The following EFHC1 variants were observed in gnomAD, a reference collection of about 807,000 sequenced individuals.
The protein encoded by EFHC1 is EF-hand domain-containing protein 1.
In EFHC1, 53 loss-of-function variants were observed where a neutral mutation model predicts 69.9. That is an observed-to-expected ratio of 0.76 (90% CI 0.61 to 0.95). EFHC1 has a LOEUF of 0.95. EFHC1 is among the 40% of genes least tolerant of loss of function. The pLI is 0.00. For synonymous variants in EFHC1, 256 were observed against 278.4 expected (o/e 0.92, Z 0.80); for missense variants, 739 against 798.7 (o/e 0.93, Z 0.90).
chr6:52,452,972 A>G (rs1022646658), intron 4 of EFHC1, 135 bp downstream of exon 4: 1 of 1,582,320 alleles, frequency 6.3e-7, no homozygotes, highest in Non-Finnish European at 8.5e-7. Context: ...TGGACACAGT[A>G]CTGTCTTTCT....
intron 1 of EFHC1, among the ~76,000 whole-genome samples, chr6:52,420,689 T>G (rs766118286): frequency 7.9e-5 from 12 of 152,136 alleles, no homozygotes; most frequent in Non-Finnish European, 1.5e-4. Context: ...CTCCGCCTCA[T>G]CCCTCTCTAG....
rs1415738426 is a variant in EFHC1 at position 52,493,975 on chromosome 6, G to C, written c.*1634G>C. ...GCCACTTGTAACCAGCTTATTGAAA[G>C]GGCTGTGAATGTATTATGTTGATTC... On this transcript the variant is annotated 3_prime_UTR_variant, in exon 11 of 11. Coordinates refer to ENST00000371068, the MANE Select transcript of EFHC1 (RefSeq NM_018100.4). The C allele has an allele frequency of 1.3e-5, 6 of 454,084 alleles. No individual in the cohort carries two copies. The highest frequency in any genetic ancestry group is 2.6e-5 in the Non-Finnish European group (6 of 226,778). The allele number at this position is 454,084 out of a possible 1,614,324, so 28.1% of individuals were successfully genotyped here. A position where few individuals can be genotyped will look rare whatever the true frequency, so the allele number is the denominator to read the frequency against.
chr6:52,464,957 A>T lies in EFHC1; in HGVS notation c.979A>T (p.Lys327Ter). The change falls in exon 6 of 11, where the codon AAA (lysine) becomes TAA (stop). Residue 327 changes from lysine to a stop codon, truncating the protein, a stop_gained. Coordinates refer to ENST00000371068, the MANE Select transcript of EFHC1 (RefSeq NM_018100.4). LOFTEE classifies it high-confidence loss of function. ...AGAAGTGTTGGAATGGTATACTGCT[A>T]AAGACTTCATTGTTGGGAAGTCACT... Reference protein sequence around the residue: ...DQEVLEWYTAKDFIVGKSLTI... With the variant: ...DQEVLEWYTA 1 of 1,614,140 alleles carries T rather than the reference A, an allele frequency of 6.2e-7. No individual in the cohort carries two copies.
At chr6:52,422,241 G>A (rs927294270) in intron 1 of EFHC1, among the ~76,000 whole-genome samples, 53 of 152,316 alleles carry the variant, frequency 3.5e-4, no homozygotes, top group African/African-American at 1.1e-3. Context: ...CTGAATGATG[G>A]TAGAGACATT....
At chr6:52,457,257 T>A (rs2113999506) in intron 5 of EFHC1, among the ~76,000 whole-genome samples, 1 of 152,312 alleles carries the variant, frequency 6.6e-6, no homozygotes, top group South Asian at 2.1e-4. Flanking sequence ...TCTGATTATG[T>A]AATTAGTTAA....
chr6:52,458,206 A>C (rs181825505), intron 5 of EFHC1, among the ~76,000 whole-genome samples: 1 of 152,194 alleles, frequency 6.6e-6, no homozygotes, highest in Admixed American at 6.5e-5. Context: ...CATACATAAA[A>C]GTTAACCCCA....
At chr6:52,436,955 T>C (rs745547293) in intron 2 of EFHC1, among the ~76,000 whole-genome samples, 2 of 152,246 alleles carry the variant, frequency 1.3e-5, no homozygotes, top group African/African-American at 4.8e-5. Flanking sequence ...TTTATGTTTT[T>C]TAAATGTGTA....
At chr6:52,426,896 A>G (rs1167655230) in intron 2 of EFHC1, among the ~76,000 whole-genome samples, 1 of 152,194 alleles carries the variant, frequency 6.6e-6, no homozygotes, top group East Asian at 1.9e-4. Flanking sequence ...TTATGCTTAT[A>G]ACAGGTATGC....
intron 5 of EFHC1, among the ~76,000 whole-genome samples, chr6:52,463,101 C>A (rs1339814717): frequency 6.6e-6 from 1 of 151,646 alleles, no homozygotes; most frequent in East Asian, 2.0e-4. Context: ...GATCTCGGCT[C>A]ACTGCAAGCT....
chr6:52,437,837 T>C lies in EFHC1; in HGVS notation c.286-467T>C, dbSNP rs548471132. On this transcript the variant is annotated intron_variant, in intron 2 of 10. Coordinates refer to ENST00000371068, the MANE Select transcript of EFHC1 (RefSeq NM_018100.4). ...CTCCTAAGGATCCTGTCTCCAAATA[T>C]AGTCACATTGAGGGTTAGGGGTTCA... Among the ~76,000 whole-genome samples, 3 of 152,252 alleles carry C rather than the reference T, an allele frequency of 2.0e-5. No individual in the cohort carries two copies. In the East Asian group the frequency reaches 5.8e-4, roughly 29 times the overall value.
At position 52,454,274 on chromosome 6, in the gene EFHC1, G is replaced by A; in HGVS notation, c.903G>A (p.Leu301=). The change falls in exon 5 of 11, where the codon TTG becomes TTA. Residue 301 remains leucine, a synonymous_variant. Transcript: ENST00000371068. The part of the protein sequence containing the change: ...LMNRQRVPKV[L]VENAKNFPQC... Reference sequence around the variant, plus strand: ...ACCGCCAGCGTGTGCCCAAAGTTTTGGTGGAAAATGCAAGTATGTTTGATT... The same window carrying A: ...ACCGCCAGCGTGTGCCCAAAGTTTTAGTGGAAAATGCAAGTATGTTTGATT... 6.2e-7 allele frequency: 1 copy of A among 1,614,020 alleles called. No homozygotes were observed. The highest frequency in any genetic ancestry group is 8.5e-7 in the Non-Finnish European group (1 of 1,179,966).
intron 9 of EFHC1, chr6:52,481,504 A>C (rs1332222064): frequency 4.2e-5 from 6 of 143,552 alleles, no homozygotes; most frequent in African/African-American, 1.3e-4. Flanking sequence ...AGACTGCATG[A>C]TCTCTCTCTC....
chr6:52,479,652 G>A lies in EFHC1; in HGVS notation c.1505G>A (p.Arg502Gln), dbSNP rs1186433799. The change falls in exon 9 of 11, where the codon CGG becomes CAG. Residue 502 changes from arginine (R) to glutamine (Q), a missense_variant. Physicochemically the swap from Arg to Gln is conservative, Grantham distance 43. Transcript: ENST00000371068. ...IGAVIEVFGH[R>Q]FIILDTDEYV... ...ACCTTCTCTCCAGTGTTTGGTCACC[G>A]GTTCATCATCCTTGATACAGACGAG... 8.1e-6 allele frequency: 13 copies of A among 1,614,132 alleles called. No individual in the cohort carries two copies. The highest frequency in any genetic ancestry group is 1.7e-5 in the Admixed American group (1 of 60,020).
At position 52,438,629 on chromosome 6, in the gene EFHC1, C is replaced by T. The variant is rs199500891; in HGVS notation, c.573+38C>T. ...TTTTTGAAAGTTGTGGGGTCTGAGG[C>T]ATCATTCTAATTTATAGAAGGATAC... On this transcript the variant is annotated intron_variant, in intron 3 of 10. Transcript: ENST00000371068. The T allele has an allele frequency of 2.5e-6, 4 of 1,600,256 alleles. No homozygotes were observed. The East Asian group carries it at 8.9e-5, about 36-fold the overall frequency.
intron 9 of EFHC1, chr6:52,482,500 A>G (rs1765702229): frequency 6.6e-6 from 2 of 302,642 alleles, no homozygotes; most frequent in Non-Finnish European, 6.0e-6. Context: ...TAAAAACTTT[A>G]TCAAAAGTGG....
intron 1 of EFHC1, among the ~76,000 whole-genome samples, chr6:52,422,372 A>T (rs1379787342): frequency 6.6e-6 from 1 of 152,172 alleles, no homozygotes; most frequent in African/African-American, 2.4e-5. Flanking sequence ...ATTTTGTTCT[A>T]TGTCATGTTT....
chr6:52,432,875 A>T (rs939547972), intron 2 of EFHC1, among the ~76,000 whole-genome samples: 2 of 151,718 alleles, frequency 1.3e-5, no homozygotes, highest in Admixed American at 1.3e-4. Flanking sequence ...GGCTTTGTTC[A>T]TATTTTCTTA....
In EFHC1 at chr6:52,492,222, G is replaced by T. The variant is rs60636755; in HGVS notation, c.1852-48G>T. ...AAGCGCACTCTGCAGTTGAGCTGAC[G>T]GAAGCCCTGCAGATCTGTCTCACCT... On this transcript the variant is annotated intron_variant, in intron 10 of 10. Coordinates refer to ENST00000371068, the MANE Select transcript of EFHC1 (RefSeq NM_018100.4). The T allele has an allele frequency of 1.1e-3, 1,745 of 1,547,080 alleles. 15 individuals carry two copies. In the African/African-American group the frequency reaches 0.019, roughly 17 times the overall value.
chr6:52,432,119 C>T (rs1764428703), intron 2 of EFHC1, among the ~76,000 whole-genome samples: 1 of 152,060 alleles, frequency 6.6e-6, no homozygotes, highest in Admixed American at 6.6e-5. Context: ...TTGAAGGCAG[C>T]AGATGGTTGG....
Sources: allele counts gnomAD v4.1 joint callset (sites outside exome capture counted in the v4.1 genomes callset), GRCh38; gene constraint gnomAD v4.1.1; transcripts MANE v1.5; gene names NCBI Gene and HGNC (gene_info 2026-07-23, HGNC 2026-07-21).